IGFL2: variants seen among roughly 807,000 people sequenced by gnomAD.
The protein encoded by IGFL2 is IGF like family member 2, also known as insulin growth factor-like family member 2.
A neutral mutation model predicts 13.9 loss-of-function variants in IGFL2; 7 were observed. That is an observed-to-expected ratio of 0.51 (90% CI 0.29 to 0.95). IGFL2 has a LOEUF of 0.95. IGFL2 is among the 40% of genes least tolerant of loss of function. IGFL2 has a pLI of 0.08. For missense variants in IGFL2, 138 were observed against 147.8 expected, an observed-to-expected ratio of 0.93 and a Z score of 0.34; for synonymous variants, 55 against 55.8, an observed-to-expected ratio of 0.99 and a Z score of 0.07.
At chr19:46,133,825 A>G in the IGFL2 span, among the ~76,000 whole-genome samples, 2 of 152,268 alleles carry the variant, frequency 1.3e-5, no homozygotes, top group African/African-American at 4.8e-5. Flanking sequence ...TAAATAATAC[A>G]TTACTGGTCT....
the IGFL2 span, among the ~76,000 whole-genome samples, chr19:46,167,262 A>G: frequency 1.5e-3 from 221 of 152,290 alleles, no homozygotes; most frequent in Non-Finnish European, 2.8e-3. Context: ...CACAGTGAAG[A>G]ACTGGTGCCC....
rs560624284 is a variant in IGFL2 at position 46,160,360 on chromosome 19, A to G, written c.20-55A>G. ...ACCCTGGCCTGCCCTCCCTGAGATCAACCTAGTGGCCACACTTCCAGCCCC... is the reference window on the plus strand; with the variant it reads ...ACCCTGGCCTGCCCTCCCTGAGATCGACCTAGTGGCCACACTTCCAGCCCC... On this transcript the variant is annotated intron_variant, in intron 1 of 3. Coordinates refer to ENST00000377693, the MANE Select transcript of IGFL2 (RefSeq NM_001135113.2). The G allele has an allele frequency of 8.5e-6, 13 of 1,532,488 alleles. 1 individual carries two copies. In the South Asian group the frequency reaches 1.4e-4, roughly 16 times the overall value. 94.9% of individuals were successfully genotyped at this position (1,532,488 alleles called of 1,614,324 possible).
At chr19:46,122,997 T>TA in the IGFL2 span, among the ~76,000 whole-genome samples, 1 of 151,002 alleles carries the variant, frequency 6.6e-6, no homozygotes, top group East Asian at 2.0e-4. Flanking sequence ...GAAAATAATG[T>TA]AAATGCTATG....
At chr19:46,197,236 G>A in the IGFL2 span, 1 of 198,932 alleles carries the variant, frequency 5.0e-6, no homozygotes, top group Non-Finnish European at 1.1e-5. Flanking sequence ...GAAGATGAAA[G>A]GCCAGAAGTG....
At chr19:46,102,518 G>A in the IGFL2 span, among the ~76,000 whole-genome samples, 1 of 152,102 alleles carries the variant, frequency 6.6e-6, no homozygotes, top group African/African-American at 2.4e-5. Flanking sequence ...ATTCACAAAG[G>A]CAAGGGAATA....
chr19:46,116,984 TAAA>T, the IGFL2 span, among the ~76,000 whole-genome samples: 149 of 152,298 alleles, frequency 9.8e-4, 1 homozygote, highest in African/African-American at 3.5e-3. Context: ...TAATAACTAG[TAAA>T]AATTTTATAT....
At chr19:46,169,835 G>A in the IGFL2 span, among the ~76,000 whole-genome samples, 1 of 109,886 alleles carries the variant, frequency 9.1e-6, no homozygotes. Flanking sequence ...GCAACAGAGT[G>A]AGACTCTGTC....
At chr19:46,193,539 TCC>T in the IGFL2 span, among the ~76,000 whole-genome samples, 1 of 152,112 alleles carries the variant, frequency 6.6e-6, no homozygotes, top group Non-Finnish European at 1.5e-5. Flanking sequence ...GTAAAGTGCT[TCC>T]TTTCAGTAAA....
At chr19:46,118,666 C>T in the IGFL2 span, among the ~76,000 whole-genome samples, 13 of 152,210 alleles carry the variant, frequency 8.5e-5, no homozygotes, top group African/African-American at 1.2e-4. Flanking sequence ...CAGGTATCTA[C>T]AGACAGCTGC....
chr19:46,193,523 G>A, the IGFL2 span, among the ~76,000 whole-genome samples: 404 of 152,234 alleles, frequency 2.7e-3, 4 homozygotes, highest in African/African-American at 9.2e-3. Flanking sequence ...ATGCCAAACA[G>A]AAACTGTAAA....
At chr19:46,116,976 ATAAC>A in the IGFL2 span, among the ~76,000 whole-genome samples, 1 of 152,176 alleles carries the variant, frequency 6.6e-6, no homozygotes, top group Admixed American at 6.5e-5. Context: ...GGCAATTATA[ATAAC>A]TAGTAAAAAT....
chr19:46,137,144 GTCTCC>G, the IGFL2 span: 41 of 1,609,024 alleles, frequency 2.5e-5, no homozygotes, highest in Non-Finnish European at 3.1e-5. Context: ...ATGAAATGGG[GTCTCC>G]TCTAGAGCTG....
the IGFL2 span, among the ~76,000 whole-genome samples, chr19:46,132,459 C>T: frequency 3.3e-5 from 5 of 152,198 alleles, no homozygotes; most frequent in Non-Finnish European, 7.3e-5. Context: ...TCAGTTCTCT[C>T]CTTAAAAAGC....
intron 1 of IGFL2, 123 bp from the exon 2 acceptor site, chr19:46,160,292 C>A: frequency 1.2e-6 from 1 of 824,370 alleles, no homozygotes; most frequent in Non-Finnish European, 2.0e-6. Context: ...AAGATAGTTC[C>A]AAACCCAAGC....
chr19:46,166,874 AT>A, the IGFL2 span, among the ~76,000 whole-genome samples: 1 of 152,200 alleles, frequency 6.6e-6, no homozygotes, highest in Non-Finnish European at 1.5e-5. Flanking sequence ...AATTGCTGTT[AT>A]CCTGTTCTTT....
the IGFL2 span, among the ~76,000 whole-genome samples, chr19:46,176,647 G>C: frequency 8.6e-5 from 13 of 150,998 alleles, no homozygotes; most frequent in African/African-American, 2.9e-4. Flanking sequence ...TGAGAGCCCA[G>C]ATGCCAGGGA....
chr19:46,174,832 A>G, the IGFL2 span, among the ~76,000 whole-genome samples: 1 of 152,174 alleles, frequency 6.6e-6, no homozygotes. Flanking sequence ...GTAATTGCTC[A>G]TTACTTTGTT....
the IGFL2 span, among the ~76,000 whole-genome samples, chr19:46,200,190 A>G: frequency 6.8e-6 from 1 of 147,242 alleles, no homozygotes; most frequent in African/African-American, 2.5e-5. Context: ...ATTTTTTGAG[A>G]CAAGATCTCG....
At chr19:46,210,334 G>C in the IGFL2 span, 1 of 152,246 alleles carries the variant, frequency 6.6e-6, no homozygotes, top group East Asian at 1.9e-4. Flanking sequence ...GCAGAAGCCA[G>C]AGAGACATTG....
Sources: gnomAD v4.1 joint callset for allele counts (sites outside exome capture counted in the v4.1 genomes callset) on GRCh38, gnomAD v4.1.1 for gene constraint, MANE v1.5 for transcripts, NCBI Gene and HGNC (gene_info 2026-07-23, HGNC 2026-07-21) for gene names.